Variants in BARD1 observed in about 807,000 individuals in gnomAD.
BARD1 encodes BRCA1-associated RING domain protein 1.
In BARD1, 73 loss-of-function variants were observed where a neutral mutation model predicts 77.0. The ratio of observed to expected loss-of-function variants is 0.95; its 90% CI spans 0.79 to 1.15. BARD1 has a LOEUF of 1.15. Among genes scored for constraint, BARD1 ranks in the 50% most tolerant of loss-of-function variants. BARD1 has a pLI of 0.00. For missense variants in BARD1, 993 were observed against 938.8 expected (o/e 1.06, Z -0.75); for synonymous variants, 384 against 338.0 (o/e 1.14, Z -1.49).
At chr2:214,750,102 C>G (rs919648417) in intron 7 of BARD1, among the ~76,000 whole-genome samples, 2 of 152,120 alleles carry the variant, frequency 1.3e-5, no homozygotes, top group African/African-American at 4.8e-5. Context: ...TCAGCTCCTC[C>G]CTTTCTGTTA....
chr2:214,800,532 C>T (rs572829547), intron 1 of BARD1, among the ~76,000 whole-genome samples: 1 of 152,092 alleles, frequency 6.6e-6, no homozygotes, highest in African/African-American at 2.4e-5. Flanking sequence ...CTGGACAACA[C>T]AACAAGAACA....
At chr2:214,744,110 G>A (rs183582461) in intron 9 of BARD1, among the ~76,000 whole-genome samples, 12 of 152,240 alleles carry the variant, frequency 7.9e-5, no homozygotes, top group East Asian at 5.8e-4. Flanking sequence ...GAAAATAATC[G>A]TGTATGAGCT....
At position 214,781,190 on chromosome 2, in the gene BARD1, T is replaced by C. The variant is rs780627045; in HGVS notation, c.684A>G (p.Glu228=). Residue 228 remains glutamate, a synonymous_variant, in exon 4 of 11, where the codon GAA becomes GAG. Coordinates refer to ENST00000260947, the MANE Select transcript of BARD1 (RefSeq NM_000465.4). The part of the protein sequence containing the change: ...WNLEAEKEDG[E]FDSKEESKQK... ...GCTTAGATTCCTCTTTGGAGTCAAA[T>C]TCACCATCTTCTTTTTCTGCCTCTA... is the stretch of plus-strand genomic sequence containing the variant. 2.5e-6 allele frequency: 4 copies of C among 1,588,038 alleles called. No individual in the cohort carries two copies. In the African/African-American group the frequency reaches 4.1e-5, roughly 16 times the overall value.
At chr2:214,776,696 C>T (rs2106098748) in intron 4 of BARD1, among the ~76,000 whole-genome samples, 1 of 152,260 alleles carries the variant, frequency 6.6e-6, no homozygotes, top group South Asian at 2.1e-4. Context: ...CAAAAATGTC[C>T]ACACACGAAT....
At chr2:214,745,206 G>A (rs1231830630) in intron 8 of BARD1, 47 bp from the exon 9 acceptor site, 3 of 1,510,472 alleles carry the variant, frequency 2.0e-6, no homozygotes, top group Non-Finnish European at 1.8e-6. Context: ...ACAAGCCAAA[G>A]TATTTCTTTG....
chr2:214,784,690 T>C (rs552182288), intron 3 of BARD1, among the ~76,000 whole-genome samples: 15 of 152,238 alleles, frequency 9.9e-5, no homozygotes, highest in African/African-American at 3.6e-4. Flanking sequence ...TGGAATACTA[T>C]ACACCCATAA....
chr2:214,782,056 A>T (rs1185976880), intron 3 of BARD1, among the ~76,000 whole-genome samples: 1 of 152,180 alleles, frequency 6.6e-6, no homozygotes, highest in Non-Finnish European at 1.5e-5. Flanking sequence ...CAACCAACAT[A>T]ATACTGAAGA....
intron 3 of BARD1, among the ~76,000 whole-genome samples, chr2:214,785,458 T>C (rs999002400): frequency 6.6e-6 from 1 of 152,056 alleles, no homozygotes; most frequent in African/African-American, 2.4e-5. Flanking sequence ...GGTGAGCACA[T>C]GAATAGACAG....
intron 7 of BARD1, among the ~76,000 whole-genome samples, chr2:214,751,300 G>C (rs1693440550): frequency 6.7e-6 from 1 of 149,820 alleles, no homozygotes; most frequent in Admixed American, 6.7e-5. Flanking sequence ...TGGGACTACA[G>C]ACGCATACCG....
intron 6 of BARD1, among the ~76,000 whole-genome samples, chr2:214,754,986 T>C (rs1322282691): frequency 6.6e-6 from 1 of 152,082 alleles, no homozygotes; most frequent in Non-Finnish European, 1.5e-5. Context: ...AGATGGGGCA[T>C]GTGTAAGATT....
At chr2:214,796,379 A>C (rs2106144143) in intron 2 of BARD1, among the ~76,000 whole-genome samples, 1 of 152,366 alleles carries the variant, frequency 6.6e-6, no homozygotes, top group East Asian at 1.9e-4. Flanking sequence ...AGTTAAGATG[A>C]GAACATTAGG....
intron 4 of BARD1, among the ~76,000 whole-genome samples, chr2:214,773,249 A>C (rs1020134077): frequency 6.6e-6 from 1 of 152,238 alleles, no homozygotes. Flanking sequence ...ATTAATAAAC[A>C]TATTCATAAA....
intron 6 of BARD1, among the ~76,000 whole-genome samples, chr2:214,755,654 C>T (rs1693661827): frequency 2.0e-5 from 3 of 152,018 alleles, no homozygotes; most frequent in African/African-American, 4.8e-5. Context: ...GAATAAGCAA[C>T]ATGATTACTG....
chr2:214,726,619 A>C lies in BARD1; in HGVS notation c.*2057T>G, dbSNP rs150488006. On this transcript the variant is annotated 3_prime_UTR_variant, in exon 11 of 11. Coordinates refer to ENST00000260947, the MANE Select transcript of BARD1 (RefSeq NM_000465.4). ...GCACAGAATAAGCCAATTTTATACA[A>C]GACACAGGTATATGGAAACACAAAT... 2.6e-3 allele frequency: 594 copies of C among 230,192 alleles called. 3 individuals carry two copies. The highest frequency in any genetic ancestry group is 0.012 in the African/African-American group (537 of 45,328). 14.3% of individuals were successfully genotyped at this position (230,192 alleles called of 1,614,324 possible).
Position 214,792,458 on chromosome 2 carries a change from T to TAAAAAAAAAAAA in BARD1, c.216-25_216-14dup. On this transcript the variant is annotated splice_polypyrimidine_tract_variant and intron_variant, in intron 2 of 10. Coordinates refer to ENST00000260947, the MANE Select transcript of BARD1 (RefSeq NM_000465.4). ...ACTTACACAATTACTTTAAAATAAT[T>TAAAAAAAAAAAA]AAAAAAAAAAAAAAAAGCAACCCAT... The TAAAAAAAAAAAA allele has an allele frequency of 1.4e-6, 2 of 1,400,444 alleles. No individual in the cohort carries two copies. Among genetic ancestry groups the TAAAAAAAAAAAA allele is most frequent in the African/African-American group, 1.6e-5 (1 of 61,206 alleles). 86.8% of individuals were successfully genotyped at this position (1,400,444 alleles called of 1,614,324 possible).
Position 214,767,493 on chromosome 2 carries a change from G to A in BARD1, c.1557C>T (p.Ser519=), listed in dbSNP as rs2106076207. ...IVKLLLSYGA[S]RNAVNIFGLR... ...GTTGAACTACTTACACAGCATTTCT[G>A]GAGGCTCCATAGGAAAGTAACAGCT... The change falls in exon 6 of 11, where the codon TCC becomes TCT. Residue 519 remains serine, a synonymous_variant. Coordinates refer to ENST00000260947, the MANE Select transcript of BARD1 (RefSeq NM_000465.4). 1 of 1,613,526 alleles carries A rather than the reference G, an allele frequency of 6.2e-7. No homozygotes were observed. Among genetic ancestry groups the A allele is most frequent in the Non-Finnish European group, 8.5e-7 (1 of 1,179,532 alleles).
At chr2:214,790,847 T>C (rs748479152) in intron 3 of BARD1, among the ~76,000 whole-genome samples, 1 of 152,092 alleles carries the variant, frequency 6.6e-6, no homozygotes, top group Non-Finnish European at 1.5e-5. Context: ...AGCTCACTGA[T>C]CCCTTACCCA....
At chr2:214,756,201 G>C (rs1384825196) in intron 6 of BARD1, among the ~76,000 whole-genome samples, 1 of 152,148 alleles carries the variant, frequency 6.6e-6, no homozygotes, top group African/African-American at 2.4e-5. Context: ...TTGTGATAGT[G>C]ATTGAGTCCT....
chr2:214,727,615 T>C lies in BARD1; in HGVS notation c.*1061A>G. On this transcript the variant is annotated 3_prime_UTR_variant, in exon 11 of 11. Transcript: ENST00000260947. ...CCTGCCCACTCACTAAGGCCTTGCC[T>C]ATTTGATATTAGTAAGCCCTCCCCA... is the stretch of plus-strand genomic sequence containing the variant. 1 of 231,980 alleles carries C rather than the reference T, an allele frequency of 4.3e-6. No individual in the cohort carries two copies. The highest frequency in any genetic ancestry group is 8.5e-6 in the Non-Finnish European group (1 of 117,270). The allele number at this position is 231,980 out of a possible 1,614,324, so 14.4% of individuals were successfully genotyped here. A position where few individuals can be genotyped will look rare whatever the true frequency, so the allele number is the denominator to read the frequency against.
Sources: gnomAD v4.1 joint callset for allele counts (sites outside exome capture counted in the v4.1 genomes callset) on GRCh38, gnomAD v4.1.1 for gene constraint, MANE v1.5 for transcripts, NCBI Gene and HGNC (gene_info 2026-07-23, HGNC 2026-07-21) for gene names.